TENM4: variants seen among roughly 807,000 people sequenced by gnomAD.
TENM4 encodes the protein teneurin transmembrane protein 4.
TENM4 carries 82 observed loss-of-function variants against 243.3 expected under a neutral mutation model. The ratio of observed to expected loss-of-function variants is 0.34; its 90% confidence interval spans 0.28 to 0.40. The LOEUF (loss-of-function observed/expected upper bound fraction) is 0.40. TENM4 is among the 10% of genes least tolerant of loss of function. The pLI is 1.00. For synonymous variants in TENM4, 1,412 were observed against 1,456.3 expected (o/e 0.97, Z 0.69); for missense variants, 3,138 against 3,673.3 (o/e 0.85, Z 3.77).
chr11:78,753,435 A>T (rs1188939657), intron 19 of TENM4, among the ~76,000 whole-genome samples: 1 of 152,244 alleles, frequency 6.6e-6, no homozygotes, highest in Non-Finnish European at 1.5e-5. Flanking sequence ...ACAGAAAGCA[A>T]CTACTTAAAC....
intron 3 of TENM4, among the ~76,000 whole-genome samples, chr11:79,184,067 G>C (rs539536707): frequency 5.9e-5 from 9 of 152,176 alleles, no homozygotes; most frequent in Non-Finnish European, 1.2e-4. Flanking sequence ...ATGTTCACAG[G>C]AGCATTATTG....
chr11:79,004,984 C>T (rs910320964), intron 6 of TENM4, among the ~76,000 whole-genome samples: 1 of 147,916 alleles, frequency 6.8e-6, no homozygotes, highest in Admixed American at 6.7e-5. Flanking sequence ...CTATGAATAC[C>T]TCTATGTACA....
chr11:79,143,836 A>G (rs1862342129), intron 4 of TENM4, among the ~76,000 whole-genome samples: 1 of 152,008 alleles, frequency 6.6e-6, no homozygotes, highest in Non-Finnish European at 1.5e-5. Flanking sequence ...ACCTGAAACT[A>G]GGAAACTACT....
chr11:79,246,985 C>CAA (rs66877398), intron 2 of TENM4, among the ~76,000 whole-genome samples: 23 of 133,636 alleles, frequency 1.7e-4, no homozygotes, highest in Admixed American at 6.8e-4. Context: ...TTGTATTTCT[C>CAA]AAAAAAAAAA....
chr11:79,287,872 G>A (rs1014473822), intron 2 of TENM4, among the ~76,000 whole-genome samples: 14 of 152,148 alleles, frequency 9.2e-5, no homozygotes, highest in African/African-American at 3.4e-4. Context: ...GGAAGCTGTG[G>A]GGCCCATGTC....
intron 6 of TENM4, among the ~76,000 whole-genome samples, chr11:78,923,196 C>T (rs531059509): frequency 3.9e-5 from 6 of 152,084 alleles, no homozygotes; most frequent in South Asian, 2.1e-4. Context: ...TCAGAGGGCC[C>T]GTGTTTGGTT....
chr11:79,065,040 C>A, intron 5 of TENM4, 33 bp from the exon 6 acceptor site: 2 of 1,450,066 alleles, frequency 1.4e-6, no homozygotes, highest in South Asian at 3.0e-5. Context: ...TTGGTTAGGG[C>A]ACTGAGATGA....
intron 6 of TENM4, among the ~76,000 whole-genome samples, chr11:78,972,188 C>T (rs891287284): frequency 1.1e-4 from 17 of 152,120 alleles, no homozygotes; most frequent in Admixed American, 9.8e-4. Context: ...GCCATGATGA[C>T]AGTTTCTTCC....
intron 9 of TENM4, among the ~76,000 whole-genome samples, chr11:78,878,675 G>A (rs1035919301): frequency 6.6e-6 from 1 of 152,314 alleles, no homozygotes; most frequent in South Asian, 2.1e-4. Flanking sequence ...AGGACTGTGG[G>A]GAAATTGGAT....
intron 6 of TENM4, among the ~76,000 whole-genome samples, chr11:78,925,306 TAA>T (rs35916112): frequency 4.1e-5 from 6 of 145,522 alleles, no homozygotes; most frequent in African/African-American, 7.6e-5. Context: ...TATTTTTACT[TAA>T]AAAAAAAAAA....
At chr11:79,215,262 A>G (rs11237763) in intron 3 of TENM4, among the ~76,000 whole-genome samples, 5,736 of 152,268 alleles carry the variant, frequency 0.038, 164 homozygotes, top group East Asian at 0.16. Flanking sequence ...CTGCACAGCA[A>G]TATGAGGAAA....
chr11:79,222,313 G>A (rs189444518), intron 2 of TENM4, among the ~76,000 whole-genome samples: 27 of 152,126 alleles, frequency 1.8e-4, no homozygotes, highest in African/African-American at 6.5e-4. Context: ...CTCCATCCGT[G>A]TTCCTGAAAA....
chr11:78,812,387 C>T (rs965295780), intron 13 of TENM4, 71 bp from the exon 14 acceptor site: 2 of 1,503,694 alleles, frequency 1.3e-6, no homozygotes, highest in Non-Finnish European at 1.8e-6. Flanking sequence ...GTCTCTTTCT[C>T]CTCCTGGCCT....
intron 9 of TENM4, among the ~76,000 whole-genome samples, chr11:78,880,214 G>A (rs943099963): frequency 1.3e-5 from 2 of 152,128 alleles, no homozygotes; most frequent in Non-Finnish European, 2.9e-5. Flanking sequence ...TGGATTAAGG[G>A]CGGTGCAAGA....
chr11:79,124,333 C>T (rs1861816291), intron 4 of TENM4, among the ~76,000 whole-genome samples: 1 of 151,988 alleles, frequency 6.6e-6, no homozygotes, highest in African/African-American at 2.4e-5. Context: ...GGCAGACCCA[C>T]CCTTAATATG....
chr11:79,116,346 A>G lies in TENM4; in HGVS notation c.-66+32364T>C, dbSNP rs147197039. 4.4e-3 allele frequency among the ~76,000 whole-genome samples: 666 copies of G among 152,354 alleles called. 6 individuals carry two copies. Among genetic ancestry groups the G allele is most frequent in the African/African-American group, 0.015 (621 of 41,580 alleles). The stretch of plus-strand genomic sequence containing the variant: ...AAGTAGCTTGCTCAAACTCACAGCT[A>G]GTAAGGAGTAAAGCTGGGGTTCAAA... On this transcript the variant is annotated intron_variant, in intron 4 of 33. Coordinates refer to ENST00000278550, the MANE Select transcript of TENM4 (RefSeq NM_001098816.3).
intron 29 of TENM4, among the ~76,000 whole-genome samples, chr11:78,684,471 T>C (rs1858608405): frequency 6.6e-6 from 1 of 152,234 alleles, no homozygotes; most frequent in South Asian, 2.1e-4. Flanking sequence ...CTAGTCACTG[T>C]CATGTGTGTC....
chr11:79,049,427 C>T (rs533298776), intron 6 of TENM4, among the ~76,000 whole-genome samples: 4 of 152,336 alleles, frequency 2.6e-5, no homozygotes, highest in African/African-American at 9.6e-5. Flanking sequence ...CAAGGCCGTC[C>T]TGAGAAGTAT....
intron 1 of TENM4, among the ~76,000 whole-genome samples, chr11:79,425,441 G>A (rs1255651786): frequency 6.6e-6 from 1 of 152,148 alleles, no homozygotes; most frequent in Non-Finnish European, 1.5e-5. Context: ...TCAGTGTCTG[G>A]AGCCTTTGGG....
Sources: gnomAD v4.1 joint callset for allele counts (sites outside exome capture counted in the v4.1 genomes callset) on GRCh38, gnomAD v4.1.1 for gene constraint, MANE v1.5 for transcripts, NCBI Gene and HGNC (gene_info 2026-07-23, HGNC 2026-07-21) for gene names.